The following MYO9A variants were observed in gnomAD, a reference collection of about 807,000 sequenced individuals.
MYO9A encodes the protein myosin IXA, also known as unconventional myosin-IXa.
A neutral mutation model predicts 293.3 loss-of-function variants in MYO9A; 103 were observed. The observed-to-expected ratio is 0.35, with a 90% CI of 0.30 to 0.41. The LOEUF is 0.41. Ranked by LOEUF, MYO9A falls within the 10% of genes least tolerant of loss-of-function variation. MYO9A has a pLI of 1.00. For missense variants in MYO9A, 2,685 were observed against 3,033.0 expected (o/e 0.89, Z 2.69); for synonymous variants, 1,001 against 1,035.7 (o/e 0.97, Z 0.64).
At chr15:71,884,210 T>C (rs942916650) in intron 27 of MYO9A, among the ~76,000 whole-genome samples, 12 of 152,158 alleles carry the variant, frequency 7.9e-5, no homozygotes, top group African/African-American at 2.9e-4. Context: ...TTTACCTTTG[T>C]TTGTCATTTC....
At chr15:72,097,475 A>G (rs531057044) in intron 1 of MYO9A, among the ~76,000 whole-genome samples, 12 of 152,370 alleles carry the variant, frequency 7.9e-5, no homozygotes, top group Middle Eastern at 3.4e-3. Flanking sequence ...CAGTATAAAC[A>G]TAAGTCTTAT....
At chr15:71,908,979 C>T (rs1411260329) in intron 19 of MYO9A, among the ~76,000 whole-genome samples, 4 of 151,894 alleles carry the variant, frequency 2.6e-5, no homozygotes, top group Non-Finnish European at 4.4e-5. Context: ...TTGTTTTTTC[C>T]AGAATGTCAT....
intron 1 of MYO9A, among the ~76,000 whole-genome samples, chr15:72,069,809 T>TG (rs933008645): frequency 7.7e-5 from 9 of 116,456 alleles, no homozygotes; most frequent in East Asian, 2.9e-4. Flanking sequence ...TCAATTAGAA[T>TG]GGGGGGGTGG....
At position 71,826,771 on chromosome 15, in the gene MYO9A, G is replaced by A. The variant is rs750568384; in HGVS notation, c.7456C>T (p.Gln2486Ter). ...TTGAAGGTTCCTCTGCTGATGAACTGAGGCTTGTCTTCCAGGAATTTGGTC... is the reference window on the plus strand; with the variant it reads ...TTGAAGGTTCCTCTGCTGATGAACTAAGGCTTGTCTTCCAGGAATTTGGTC... The part of the protein sequence containing the change: ...GQTKFLEDKP[Q>*]FISRGTFNPE... Residue 2486 changes from glutamine to a stop codon, truncating the protein, a stop_gained, in exon 42 of 42, where the codon CAG becomes TAG. Transcript: ENST00000356056. LOFTEE classifies it high-confidence loss of function. 3 of 1,614,006 alleles carry A rather than the reference G, an allele frequency of 1.9e-6. No individual in the cohort carries two copies. Among genetic ancestry groups the A allele is most frequent in the African/African-American group, 1.3e-5 (1 of 74,924 alleles).
intron 12 of MYO9A, among the ~76,000 whole-genome samples, chr15:71,972,484 G>T (rs2076036692): frequency 6.6e-6 from 1 of 152,174 alleles, no homozygotes; most frequent in African/African-American, 2.4e-5. Context: ...GGGGTGGGGT[G>T]CAGTTTTGGG....
intron 1 of MYO9A, among the ~76,000 whole-genome samples, chr15:72,097,292 G>A (rs2080094519): frequency 6.6e-6 from 1 of 152,160 alleles, no homozygotes; most frequent in Non-Finnish European, 1.5e-5. Context: ...CCACTATCCT[G>A]ATTAGTCTGC....
intron 1 of MYO9A, among the ~76,000 whole-genome samples, chr15:72,085,186 A>G (rs1567023712): frequency 6.6e-6 from 1 of 152,128 alleles, no homozygotes; most frequent in Non-Finnish European, 1.5e-5. Flanking sequence ...TGAAGTCAAG[A>G]GATCGAGACC....
At chr15:71,937,775 G>T (rs1456508725) in intron 16 of MYO9A, among the ~76,000 whole-genome samples, 1 of 152,130 alleles carries the variant, frequency 6.6e-6, no homozygotes, top group African/African-American at 2.4e-5. Context: ...TTTGTGAAAT[G>T]AGGCATATTG....
intron 1 of MYO9A, among the ~76,000 whole-genome samples, chr15:72,086,871 G>A (rs1007370414): frequency 3.9e-5 from 6 of 152,012 alleles, no homozygotes; most frequent in African/African-American, 9.7e-5. Flanking sequence ...AGGTTCAAGC[G>A]ATTCTCCTGC....
chr15:71,848,227 T>C (rs2055476593), intron 39 of MYO9A, among the ~76,000 whole-genome samples: 1 of 151,212 alleles, frequency 6.6e-6, no homozygotes, highest in African/African-American at 2.4e-5. Context: ...AGCTATTGAT[T>C]AGTGGTCATT....
chr15:71,862,602 G>T lies in MYO9A; in HGVS notation c.5989C>A (p.His1997Asn), dbSNP rs2056182144. The change falls in exon 33 of 42, where the codon CAC becomes AAC. Residue 1997 changes from histidine to asparagine, a missense_variant. His to Asn is a moderately conservative substitution (Grantham distance 68). This residue lies in a region of MYO9A where 1,434 missense variants were observed against 1,497.7 expected (regional missense o/e 0.96). Transcript: ENST00000356056. The stretch of plus-strand genomic sequence containing the variant: ...GTGGCTTTAAAGATGTGACCATTGT[G>T]TTCTTCCACCTGAATGAAAAAATTT... ...RKKETDLVEEHNGHIFKATQY... is the reference protein window; with the variant it reads ...RKKETDLVEENNGHIFKATQY... 5 of 1,607,492 alleles carry T rather than the reference G, an allele frequency of 3.1e-6. No homozygotes were observed. The East Asian group carries it at 1.1e-4, about 36-fold the overall frequency.
At chr15:71,971,274 T>C (rs932839053) in intron 12 of MYO9A, among the ~76,000 whole-genome samples, 4 of 151,956 alleles carry the variant, frequency 2.6e-5, no homozygotes, top group Admixed American at 2.6e-4. Flanking sequence ...GTGCATTCAA[T>C]GAAATTTTGT....
intron 39 of MYO9A, among the ~76,000 whole-genome samples, chr15:71,846,374 C>T (rs76151310): frequency 0.016 from 2,482 of 152,200 alleles, 36 homozygotes; most frequent in Non-Finnish European, 0.024. Context: ...TCAAGAAAGA[C>T]GAAAGGCAGA....
chr15:72,004,089 T>C (rs983374726), intron 8 of MYO9A, among the ~76,000 whole-genome samples: 1 of 152,214 alleles, frequency 6.6e-6, no homozygotes, highest in East Asian at 1.9e-4. Flanking sequence ...GGATCCTAAA[T>C]ATTACCCAAT....
intron 12 of MYO9A, among the ~76,000 whole-genome samples, chr15:71,970,823 C>G (rs1280193861): frequency 6.6e-6 from 1 of 152,000 alleles, no homozygotes; most frequent in African/African-American, 2.4e-5. Context: ...ATATTTATGG[C>G]CACATGGCTC....
At chr15:71,916,517 G>T in intron 18 of MYO9A, 25 bp from the exon 19 acceptor site, 1 of 1,587,660 alleles carries the variant, frequency 6.3e-7, no homozygotes, top group Non-Finnish European at 8.5e-7. Flanking sequence ...AAAATAAATT[G>T]CTCACATAAA....
intron 11 of MYO9A, 92 bp downstream of exon 11, chr15:71,991,011 A>G (rs942155348): frequency 8.4e-7 from 1 of 1,189,578 alleles, no homozygotes; most frequent in South Asian, 2.3e-5. Flanking sequence ...GTAAATCAAT[A>G]AAATGTGTGA....
At chr15:71,876,677 G>A (rs1376877537) in intron 31 of MYO9A, among the ~76,000 whole-genome samples, 2 of 149,894 alleles carry the variant, frequency 1.3e-5, no homozygotes, top group African/African-American at 4.9e-5. Flanking sequence ...CTTGTGATCT[G>A]CTCACCTCAG....
At chr15:71,968,507 A>C (rs2075932701) in intron 12 of MYO9A, among the ~76,000 whole-genome samples, 1 of 152,172 alleles carries the variant, frequency 6.6e-6, no homozygotes, top group Non-Finnish European at 1.5e-5. Context: ...AGAGAATAAT[A>C]TCTCGATTCT....
Sources: gnomAD v4.1 joint callset for allele counts (sites outside exome capture counted in the v4.1 genomes callset) on GRCh38, gnomAD v4.1.1 for gene constraint, gnomAD v4.1.1 regional missense constraint, MANE v1.5 for transcripts, NCBI Gene and HGNC (gene_info 2026-07-23, HGNC 2026-07-21) for gene names.